LYSMD4: variants seen among roughly 807,000 people sequenced by gnomAD.
The protein encoded by LYSMD4 is lysM and putative peptidoglycan-binding domain-containing protein 4.
Under a neutral mutation model 6.1 loss-of-function variants are expected in LYSMD4, and 9 were observed. The observed-to-expected ratio is 1.47, with a 90% CI of 0.88 to 2.56. The LOEUF (loss-of-function observed/expected upper bound fraction) is 2.56, where lower values mean the gene tolerates loss of function less well. Ranked by LOEUF, LYSMD4 falls within the 30% of genes most tolerant of loss-of-function variation. The pLI is 0.00. For synonymous variants in LYSMD4, 143 were observed against 148.5 expected (o/e 0.96, Z 0.27); for missense variants, 384 against 373.5 (o/e 1.03, Z -0.23).
rs778324485 is a variant in LYSMD4, at chr15:99,729,651, TCTCACTGGAATCTTAA to T, written c.347_362del (p.Val116GlufsTer6). 2.4e-5 allele frequency: 39 copies of T among 1,614,050 alleles called. No individual in the cohort carries two copies. The highest frequency in any genetic ancestry group is 3.3e-5 in the Non-Finnish European group (39 of 1,180,044). On this transcript the variant is annotated frameshift_variant, in exon 3 of 3. Transcript: ENST00000684762. LOFTEE classifies it low-confidence loss of function (END_TRUNC). Reference sequence around the variant, plus strand: ...GGGTCTCCATCAGGATCCCATGGTTTCTCACTGGAATCTTAACAGATTTCAAAGCATATAAGTCTTG... The same window carrying T: ...GGGTCTCCATCAGGATCCCATGGTTTCAGATTTCAAAGCATATAAGTCTTG...
Position 99,729,400 on chromosome 15 carries a change from G to A in LYSMD4, c.614C>T (p.Pro205Leu), listed in dbSNP as rs774956829. Residue 205 changes from proline (P) to leucine (L), a missense_variant, in exon 3 of 3, where the codon CCG becomes CTG. Transcript: ENST00000684762. ...TSHQPLLPAP[P>L]KTPMDGADCG... Reference sequence around the variant, plus strand: ...ATCTGCACCATCCATAGGCGTCTTCGGAGGTGCCGGGAGCAGTGGCTGATG... The same window carrying A: ...ATCTGCACCATCCATAGGCGTCTTCAGAGGTGCCGGGAGCAGTGGCTGATG... 12 of 1,614,112 alleles carry A rather than the reference G, an allele frequency of 7.4e-6. No homozygotes were observed. The highest frequency in any genetic ancestry group is 1.3e-5 in the African/African-American group (1 of 74,936).
downstream of LYSMD4, among the ~76,000 whole-genome samples, chr15:99,723,339 T>C (rs1025277280): frequency 6.6e-6 from 1 of 152,252 alleles, no homozygotes; most frequent in Admixed American, 6.5e-5. Flanking sequence ...CAGCCAGTTC[T>C]GCACCGCCTC....
In LYSMD4 at chr15:99,727,412, C is replaced by T. The variant is rs1362429220; in HGVS notation, c.*1711G>A. On this transcript the variant is annotated 3_prime_UTR_variant, in exon 3 of 3. Coordinates refer to ENST00000684762, the MANE Select transcript of LYSMD4 (RefSeq NM_001284417.2). ...ATAAAAAGGGGGAATCAATTTTCCT[C>T]CACAGAAGAAATAATTTTATTCCAT... 6.6e-6 allele frequency: 1 copy of T among 152,052 alleles called. No homozygotes were observed. The highest frequency in any genetic ancestry group is 1.5e-5 in the Non-Finnish European group (1 of 68,012). 9.4% of individuals were successfully genotyped at this position (152,052 alleles called of 1,614,324 possible).
chr15:99,733,337 C>T lies in LYSMD4; in HGVS notation c.-9+8G>A. 2.5e-6 allele frequency: 1 copy of T among 393,314 alleles called. No homozygotes were observed. The highest frequency in any genetic ancestry group is 3.6e-5 in the East Asian group (1 of 27,714). 24.4% of individuals were successfully genotyped at this position (393,314 alleles called of 1,614,324 possible). A position where few individuals can be genotyped will look rare whatever the true frequency, so the allele number is the denominator to read the frequency against. On this transcript the variant is annotated splice_region_variant and intron_variant, in intron 1 of 2. Coordinates refer to ENST00000684762, the MANE Select transcript of LYSMD4 (RefSeq NM_001284417.2). Reference sequence around the variant, plus strand: ...CAGACCGCGGCCCCCTCGTCCAGGCCCCGGTACCTCAGCGCCCAGGCTCCG... The same window carrying T: ...CAGACCGCGGCCCCCTCGTCCAGGCTCCGGTACCTCAGCGCCCAGGCTCCG...
In LYSMD4 at chr15:99,731,766, C is replaced by T. The variant is rs766691285; in HGVS notation, c.234G>A (p.Leu78=). The change falls in exon 2 of 3, where the codon CTG becomes CTA. Residue 78 remains leucine, a synonymous_variant. Coordinates refer to ENST00000684762, the MANE Select transcript of LYSMD4 (RefSeq NM_001284417.2). ...GCTTGTTGAGGCTGTCCTCCTGGGC[C>T]AGCTCCCGCTGCAGCAGCACCACGT... is the stretch of plus-strand genomic sequence containing the variant. ...AGDVVLLQRE[L]AQEDSLNKLA... is the part of the protein sequence containing the mutation. 6.2e-7 allele frequency: 1 copy of T among 1,609,460 alleles called. No individual in the cohort carries two copies. The highest frequency in any genetic ancestry group is 8.5e-7 in the Non-Finnish European group (1 of 1,178,392).
upstream of LYSMD4, among the ~76,000 whole-genome samples, chr15:99,721,803 G>C (rs2059239882): frequency 6.6e-6 from 1 of 152,194 alleles, no homozygotes; most frequent in Admixed American, 6.5e-5. Context: ...AAAATATGAG[G>C]CCTTGGACAA....
rs1256035130 is a variant in LYSMD4 at position 99,729,116 on chromosome 15, A to G, written c.*7T>C. The G allele has an allele frequency of 6.2e-7, 1 of 1,609,944 alleles. No homozygotes were observed. The highest frequency in any genetic ancestry group is 8.5e-7 in the Non-Finnish European group (1 of 1,176,368). ...CTAAAGCTGGGCCTAGTCTTTAAAA[A>G]CAAAGCTTAGCTCCCCGCTTGGGTG... On this transcript the variant is annotated 3_prime_UTR_variant, in exon 3 of 3. Coordinates refer to ENST00000684762, the MANE Select transcript of LYSMD4 (RefSeq NM_001284417.2).
chr15:99,729,094 A>G lies in LYSMD4; in HGVS notation c.*29T>C, dbSNP rs770638338. ...GAGGCACATCAACAGCCAATTGCTA[A>G]AGCTGGGCCTAGTCTTTAAAAACAA... On this transcript the variant is annotated 3_prime_UTR_variant, in exon 3 of 3. Coordinates refer to ENST00000684762, the MANE Select transcript of LYSMD4 (RefSeq NM_001284417.2). 1.6e-5 allele frequency: 25 copies of G among 1,606,420 alleles called. No homozygotes were observed. Among genetic ancestry groups the G allele is most frequent in the Middle Eastern group, 1.7e-4 (1 of 6,046 alleles).
chr15:99,729,858 C>T, intron 2 of LYSMD4, 127 bp from the exon 3 acceptor site: 3 of 1,204,536 alleles, frequency 2.5e-6, no homozygotes, highest in Non-Finnish European at 3.4e-6. Context: ...CTGATGAAGA[C>T]TGGAAAACTG....
chr15:99,731,701 CCT>C lies in LYSMD4; in HGVS notation c.282+15_282+16del. The C allele has an allele frequency of 6.4e-7, 1 of 1,570,302 alleles. No homozygotes were observed. Among genetic ancestry groups the C allele is most frequent in the Non-Finnish European group, 8.6e-7 (1 of 1,159,630 alleles). ...CCTTGAAACGGAGCGGGGCAGGGCC[CCT>C]GAGGGGTGTCTTACTTTGCAGCCAT... On this transcript the variant is annotated intron_variant, in intron 2 of 2. Coordinates refer to ENST00000684762, the MANE Select transcript of LYSMD4 (RefSeq NM_001284417.2).
downstream of LYSMD4, among the ~76,000 whole-genome samples, chr15:99,722,650 C>T (rs2059245993): frequency 1.3e-5 from 2 of 152,150 alleles, no homozygotes; most frequent in African/African-American, 4.8e-5. Flanking sequence ...CAAATATCCT[C>T]CATGTGTCAG....
upstream of LYSMD4, among the ~76,000 whole-genome samples, chr15:99,721,595 G>A (rs1045165137): frequency 1.3e-5 from 2 of 152,112 alleles, no homozygotes; most frequent in Non-Finnish European, 2.9e-5. Context: ...TTGGCTTCCT[G>A]TCCCATGATC....
Position 99,727,860 on chromosome 15 carries a change from T to G in LYSMD4, c.*1263A>C, listed in dbSNP as rs1000755241. The G allele has an allele frequency of 6.6e-6, 1 of 152,448 alleles. No individual in the cohort carries two copies. Among genetic ancestry groups the G allele is most frequent in the African/African-American group, 2.4e-5 (1 of 41,460 alleles). 9.4% of individuals were successfully genotyped at this position (152,448 alleles called of 1,614,324 possible). A position where few individuals can be genotyped will look rare whatever the true frequency, so the allele number is the denominator to read the frequency against. On this transcript the variant is annotated 3_prime_UTR_variant, in exon 3 of 3. Coordinates refer to ENST00000684762, the MANE Select transcript of LYSMD4 (RefSeq NM_001284417.2). Reference sequence around the variant, plus strand: ...GTGTCTGCCTCCTGTCCAGAACTCTTGGAGGCCGGGCCAGCAGCCATCTCA... The same window carrying G: ...GTGTCTGCCTCCTGTCCAGAACTCTGGGAGGCCGGGCCAGCAGCCATCTCA...
chr15:99,723,172 T>C (rs1260837311), downstream of LYSMD4, among the ~76,000 whole-genome samples: 3 of 151,994 alleles, frequency 2.0e-5, no homozygotes, highest in Admixed American at 6.6e-5. Flanking sequence ...AAATGAGCTA[T>C]ATAATTGGAG....
intron 2 of LYSMD4, among the ~76,000 whole-genome samples, chr15:99,730,887 T>G (rs2059391566): frequency 6.6e-6 from 1 of 152,240 alleles, no homozygotes; most frequent in South Asian, 2.1e-4. Flanking sequence ...CTGCAGAAGC[T>G]GCTTATCGGA....
At chr15:99,732,328 T>G (rs946430850) in intron 1 of LYSMD4, among the ~76,000 whole-genome samples, 4 of 152,210 alleles carry the variant, frequency 2.6e-5, no homozygotes, top group Non-Finnish European at 5.9e-5. Context: ...GAGTAGTAAG[T>G]TGAGATCCTT....
chr15:99,725,201 CATA>C (rs1166157516), downstream of LYSMD4, among the ~76,000 whole-genome samples: 1 of 152,192 alleles, frequency 6.6e-6, no homozygotes, highest in Non-Finnish European at 1.5e-5. Flanking sequence ...GCATGTGCGA[CATA>C]ATGTCCTCTA....
downstream of LYSMD4, among the ~76,000 whole-genome samples, chr15:99,723,037 T>C (rs551800132): frequency 1.4e-5 from 2 of 146,356 alleles, no homozygotes; most frequent in East Asian, 2.0e-4. Context: ...TTTTGTTTTG[T>C]TTTTTTTTTA....
Position 99,728,904 on chromosome 15 carries a change from T to A in LYSMD4, c.*219A>T, listed in dbSNP as rs2059332720. ...AAATGGCTCTCTTGCTGCACCTCTC[T>A]GGATAGGGGCCGAGGTCGCTGCTGT... On this transcript the variant is annotated 3_prime_UTR_variant, in exon 3 of 3. Transcript: ENST00000684762. The A allele has an allele frequency of 3.3e-6, 2 of 614,288 alleles. No individual in the cohort carries two copies. The allele number at this position is 614,288 out of a possible 1,614,324, so 38.1% of individuals were successfully genotyped here. A position where few individuals can be genotyped will look rare whatever the true frequency, so the allele number is the denominator to read the frequency against.
Sources: allele counts gnomAD v4.1 joint callset (sites outside exome capture counted in the v4.1 genomes callset), GRCh38; gene constraint gnomAD v4.1.1; transcripts MANE v1.5; gene names NCBI Gene and HGNC (gene_info 2026-07-23, HGNC 2026-07-21).